The following TPMT variants were observed in gnomAD, a reference collection of about 807,000 sequenced individuals.
The protein encoded by TPMT is S-adenosyl-L-methionine:thiopurine S-methyltransferase.
Under a neutral mutation model 34.2 loss-of-function variants are expected in TPMT, and 18 were observed. The ratio of observed to expected loss-of-function variants is 0.53; its 90% CI spans 0.36 to 0.78. TPMT has a LOEUF of 0.78. Ranked by LOEUF, TPMT falls within the 30% of genes least tolerant of loss-of-function variation. The pLI, the probability that TPMT is intolerant of heterozygous loss-of-function variation, is 0.00. For synonymous variants in TPMT, 69 were observed against 92.4 expected (o/e 0.75, Z 1.45); for missense variants, 265 against 288.1 (o/e 0.92, Z 0.58).
rs1409017616 is a variant in TPMT at position 18,143,035 on chromosome 6, G to T, written c.366+561C>A. ...CTATGAGGCCTCATGGGTGATTTAA[G>T]TAGTATCTTCCCGAGGTGTCCAAGA... On this transcript the variant is annotated intron_variant, in intron 4 of 8. Coordinates refer to ENST00000309983, the MANE Select transcript of TPMT (RefSeq NM_000367.5). This position sits in a 1 kb window ranked among gnomAD's most constrained non-coding sequence, Gnocchi z 6.1. Among the ~76,000 whole-genome samples, 1 of 152,114 alleles carries T rather than the reference G, an allele frequency of 6.6e-6. No individual in the cohort carries two copies. The highest frequency in any genetic ancestry group is 1.5e-5 in the Non-Finnish European group (1 of 68,030).
rs1206386343 is a variant in TPMT at position 18,140,863 on chromosome 6, G to T, written c.367-1146C>A. The stretch of plus-strand genomic sequence containing the variant: ...TAGGATCCTGGGAGCTGGGGTGAAG[G>T]GCAGTGTAGGAAAGGTGTGTCAGCA... On this transcript the variant is annotated intron_variant, in intron 4 of 8. Transcript: ENST00000309983. This position sits in a 1 kb window ranked among gnomAD's most constrained non-coding sequence, Gnocchi z 4.7. 6.6e-6 allele frequency among the ~76,000 whole-genome samples: 1 copy of T among 152,122 alleles called. No homozygotes were observed. Among genetic ancestry groups the T allele is most frequent in the Non-Finnish European group, 1.5e-5 (1 of 68,030 alleles).
rs954883545 is a variant in TPMT at position 18,153,998 on chromosome 6, G to A, written c.-45+1035C>T. On this transcript the variant is annotated intron_variant, in intron 1 of 8. Coordinates refer to ENST00000309983, the MANE Select transcript of TPMT (RefSeq NM_000367.5). The surrounding 1 kb of genome is among the most constrained non-coding windows in gnomAD (Gnocchi z 4.2). ...AGTGCAGTGGTGTAATGACACTTCC[G>A]TCTCCAACACTGGGGCTCAAGCGAT... Among the ~76,000 whole-genome samples the A allele has an allele frequency of 6.6e-5, 10 of 152,162 alleles. No homozygotes were observed. Among genetic ancestry groups the A allele is most frequent in the South Asian group, 6.2e-4 (3 of 4,820 alleles).
intron 7 of TPMT, among the ~76,000 whole-genome samples, chr6:18,133,195 C>T (rs745346541): frequency 1.3e-5 from 2 of 152,098 alleles, no homozygotes; most frequent in Non-Finnish European, 1.5e-5. Context: ...GTGACTCTTA[C>T]AAATTAAAAG....
At position 18,147,837 on chromosome 6, in the gene TPMT, C is replaced by T. The variant is rs752462773; in HGVS notation, c.219G>A (p.Ala73=). 70 of 1,613,648 alleles carry T rather than the reference C, an allele frequency of 4.3e-5. No homozygotes were observed. In the Middle Eastern group the frequency reaches 5.0e-4, roughly 11 times the overall value. ...LRVFFPLCGK[A]VEMKWFADRG... Reference sequence around the variant, plus strand: ...TCTGCTCATACCATTTCATCTCAACCGCTTTTCCGCAAAGAGGAAAAAATA... The same window carrying T: ...TCTGCTCATACCATTTCATCTCAACTGCTTTTCCGCAAAGAGGAAAAAATA... Residue 73 remains alanine (A), a synonymous_variant, in exon 3 of 9, where the codon GCG becomes GCA. Transcript: ENST00000309983.
Position 18,139,624 on chromosome 6 carries a change from C to T in TPMT, c.419+41G>A, listed in dbSNP as rs754187426. 2.6e-6 allele frequency: 4 copies of T among 1,540,870 alleles called. No individual in the cohort carries two copies. The highest frequency in any genetic ancestry group is 3.6e-6 in the Non-Finnish European group (4 of 1,113,942). On this transcript the variant is annotated intron_variant, in intron 5 of 8. Transcript: ENST00000309983. The surrounding 1 kb of genome is among the most constrained non-coding windows in gnomAD (Gnocchi z 4.2). ...TCCCATGCCTGCACTGCCTGGCAAG[C>T]ATTCAAATTTTTTAAAGTGCAGATG... is the stretch of plus-strand genomic sequence containing the variant.
rs1354851110 is a variant in TPMT at position 18,139,006 on chromosome 6, C to A, written c.451G>T (p.Asp151Tyr). ...TTGATGGCAACTAATGCTCCTCTATCCCAAATCATGTCAAATTTGCCAATA... is the reference window on the plus strand; with the variant it reads ...TTGATGGCAACTAATGCTCCTCTATACCAAATCATGTCAAATTTGCCAATA... ...TNIGKFDMIW[D>Y]RGALVAINPG... Residue 151 changes from aspartate to tyrosine, a missense_variant, in exon 6 of 9, where the codon GAT becomes TAT. Asp to Tyr is a radical substitution (Grantham distance 160, BLOSUM62 -3). Coordinates refer to ENST00000309983, the MANE Select transcript of TPMT (RefSeq NM_000367.5). This position sits in a 1 kb window ranked among gnomAD's most constrained non-coding sequence, Gnocchi z 4.2. 1.2e-6 allele frequency: 2 copies of A among 1,613,598 alleles called. No individual in the cohort carries two copies. Among genetic ancestry groups the A allele is most frequent in the Admixed American group, 3.3e-5 (2 of 60,000 alleles).
rs1784025754 is a variant in TPMT at position 18,135,427 on chromosome 6, C to A, written c.495-1538G>T. Among the ~76,000 whole-genome samples the A allele has an allele frequency of 6.6e-6, 1 of 152,150 alleles. No homozygotes were observed. The highest frequency in any genetic ancestry group is 2.4e-5 in the African/African-American group (1 of 41,430). On this transcript the variant is annotated intron_variant, in intron 6 of 8. Coordinates refer to ENST00000309983, the MANE Select transcript of TPMT (RefSeq NM_000367.5). The surrounding 1 kb of genome is among the most constrained non-coding windows in gnomAD (Gnocchi z 5.0). ...TTAGGCAAGAACTCGAGAGTCACAG[C>A]AGAAAATACATCAGTACTTGACAAT... is the stretch of plus-strand genomic sequence containing the variant.
Position 18,140,957 on chromosome 6 carries a change from C to G in TPMT, c.367-1240G>C, listed in dbSNP as rs1582042456. Among the ~76,000 whole-genome samples, 1 of 152,196 alleles carries G rather than the reference C, an allele frequency of 6.6e-6. No homozygotes were observed. Among genetic ancestry groups the G allele is most frequent in the East Asian group, 1.9e-4 (1 of 5,146 alleles). ...GGTTTACAAGTAGAGGAGGAAGGGT[C>G]TTTGACAACCAGCCTGGGATCACTG... On this transcript the variant is annotated intron_variant, in intron 4 of 8. Coordinates refer to ENST00000309983, the MANE Select transcript of TPMT (RefSeq NM_000367.5). The surrounding 1 kb of genome is among the most constrained non-coding windows in gnomAD (Gnocchi z 4.7).
chr6:18,153,943 G>C lies in TPMT; in HGVS notation c.-45+1090C>G, dbSNP rs1296706796. On this transcript the variant is annotated intron_variant, in intron 1 of 8. Transcript: ENST00000309983. The surrounding 1 kb of genome is among the most constrained non-coding windows in gnomAD (Gnocchi z 4.2). ...TCATGTCTTAGTTGTTTGTTTTTGA[G>C]ACAGGGTCTCTCTCTATCCCCCAGG... Among the ~76,000 whole-genome samples, 2 of 152,120 alleles carry C rather than the reference G, an allele frequency of 1.3e-5. No individual in the cohort carries two copies. Among genetic ancestry groups the C allele is most frequent in the Non-Finnish European group, 2.9e-5 (2 of 68,026 alleles).
chr6:18,130,357 AT>A lies in TPMT; in HGVS notation c.*310del, dbSNP rs1489311903. The A allele has an allele frequency of 3.9e-6, 1 of 256,328 alleles. No individual in the cohort carries two copies. Among genetic ancestry groups the A allele is most frequent in the Non-Finnish European group, 7.6e-6 (1 of 131,974 alleles). 15.9% of individuals were successfully genotyped at this position (256,328 alleles called of 1,614,324 possible). On this transcript the variant is annotated 3_prime_UTR_variant, in exon 9 of 9. Coordinates refer to ENST00000309983, the MANE Select transcript of TPMT (RefSeq NM_000367.5). This position sits in a 1 kb window ranked among gnomAD's most constrained non-coding sequence, Gnocchi z 4.2. ...TTTAATATGCATTGCATTTTGAAAT[AT>A]TTTTTTAATTGTACAGGTAACACAT...
rs764782486 is a variant in TPMT, at chr6:18,130,651, T to C, written c.*17A>G. The C allele has an allele frequency of 3.3e-6, 5 of 1,502,846 alleles. No homozygotes were observed. In the South Asian group the frequency reaches 5.7e-5, roughly 17 times the overall value. 93.1% of individuals were successfully genotyped at this position (1,502,846 alleles called of 1,614,324 possible). ...TCAAAAACATGTCAGTGTGATTTTATTTTATCTATGTCTCATTTACTTTTC... is the reference window on the plus strand; with the variant it reads ...TCAAAAACATGTCAGTGTGATTTTACTTTATCTATGTCTCATTTACTTTTC... On this transcript the variant is annotated 3_prime_UTR_variant, in exon 9 of 9. Coordinates refer to ENST00000309983, the MANE Select transcript of TPMT (RefSeq NM_000367.5). The surrounding 1 kb of genome is among the most constrained non-coding windows in gnomAD (Gnocchi z 4.2).
At position 18,154,200 on chromosome 6, in the gene TPMT, A is replaced by G. The variant is rs754961138; in HGVS notation, c.-45+833T>C. On this transcript the variant is annotated intron_variant, in intron 1 of 8. Coordinates refer to ENST00000309983, the MANE Select transcript of TPMT (RefSeq NM_000367.5). The surrounding 1 kb of genome is among the most constrained non-coding windows in gnomAD (Gnocchi z 4.2). ...TTCTCAGCATGGACTCCACTTGTAT[A>G]CATCATTTCTAGAGAAATAAAGTTT... 1.9e-4 allele frequency among the ~76,000 whole-genome samples: 29 copies of G among 152,202 alleles called. No individual in the cohort carries two copies. The highest frequency in any genetic ancestry group is 6.2e-4 in the South Asian group (3 of 4,834).
chr6:18,138,902 A>G lies in TPMT; in HGVS notation c.494+61T>C. 7.2e-7 allele frequency: 1 copy of G among 1,397,384 alleles called. No homozygotes were observed. The highest frequency in any genetic ancestry group is 1.0e-6 in the Non-Finnish European group (1 of 994,816). 86.6% of individuals were successfully genotyped at this position (1,397,384 alleles called of 1,614,324 possible). A position where few individuals can be genotyped will look rare whatever the true frequency, so the allele number is the denominator to read the frequency against. ...AGTCTAAGCTGATTTTCTAGAACCC[A>G]GAAAAAGTATAGTATACTAAAAAAT... On this transcript the variant is annotated intron_variant, in intron 6 of 8. Coordinates refer to ENST00000309983, the MANE Select transcript of TPMT (RefSeq NM_000367.5). The surrounding 1 kb of genome is among the most constrained non-coding windows in gnomAD (Gnocchi z 4.1).
chr6:18,152,941 T>C (rs1296898409), intron 1 of TPMT, among the ~76,000 whole-genome samples: 1 of 152,108 alleles, frequency 6.6e-6, no homozygotes, highest in Non-Finnish European at 1.5e-5. Context: ...CAGTAAGGGT[T>C]TTTCTGTCCT....
rs1446729065 is a variant in TPMT at position 18,140,981 on chromosome 6, TG to T, written c.367-1265del. 2.0e-5 allele frequency among the ~76,000 whole-genome samples: 3 copies of T among 152,270 alleles called. No individual in the cohort carries two copies. The East Asian group carries it at 5.8e-4, about 29-fold the overall frequency. The stretch of plus-strand genomic sequence containing the variant: ...TCTTTGACAACCAGCCTGGGATCAC[TG>T]GGTCAGCCCAGAGATGGGTGGGCCT... On this transcript the variant is annotated intron_variant, in intron 4 of 8. Transcript: ENST00000309983. This position sits in a 1 kb window ranked among gnomAD's most constrained non-coding sequence, Gnocchi z 4.7.
intron 6 of TPMT, 95 bp from the exon 7 acceptor site, chr6:18,133,984 G>A (rs889080272): frequency 4.4e-6 from 4 of 911,674 alleles, no homozygotes; most frequent in South Asian, 1.4e-5. Context: ...AGTTACTTTC[G>A]CTGATACTAC....
At chr6:18,152,968 T>C (rs1395977737) in intron 1 of TPMT, among the ~76,000 whole-genome samples, 1 of 152,188 alleles carries the variant, frequency 6.6e-6, no homozygotes, top group East Asian at 1.9e-4. Flanking sequence ...CACCTTTTGA[T>C]ATAAGAGGGC....
In TPMT at chr6:18,139,571, A is replaced by T. The variant is rs12201199; in HGVS notation, c.419+94T>A. On this transcript the variant is annotated intron_variant, in intron 5 of 8. Coordinates refer to ENST00000309983, the MANE Select transcript of TPMT (RefSeq NM_000367.5). The surrounding 1 kb of genome is among the most constrained non-coding windows in gnomAD (Gnocchi z 4.2). ...AAATGCTTTGTGGATGTTACACAGG[A>T]GGAAGAGAGTGAGGAAGACACCTCC... 81,244 of 987,832 alleles carry T rather than the reference A, an allele frequency of 0.082. 7,519 individuals are homozygous for T. The highest frequency in any genetic ancestry group is 0.42 in the African/African-American group (26,176 of 61,944). The allele number at this position is 987,832 out of a possible 1,614,324, so 61.2% of individuals were successfully genotyped here. A position where few individuals can be genotyped will look rare whatever the true frequency, so the allele number is the denominator to read the frequency against.
rs1450697554 is a variant in TPMT at position 18,143,454 on chromosome 6, T to G, written c.366+142A>C. 1 of 1,114,014 alleles carries G rather than the reference T, an allele frequency of 9.0e-7. No individual in the cohort carries two copies. The highest frequency in any genetic ancestry group is 1.6e-5 in the African/African-American group (1 of 63,732). The allele number at this position is 1,114,014 out of a possible 1,614,324, so 69.0% of individuals were successfully genotyped here. A position where few individuals can be genotyped will look rare whatever the true frequency, so the allele number is the denominator to read the frequency against. On this transcript the variant is annotated intron_variant, in intron 4 of 8. Transcript: ENST00000309983. This position sits in a 1 kb window ranked among gnomAD's most constrained non-coding sequence, Gnocchi z 6.1. ...TCACCTATATTTTTAAGCCCTTGCT[T>G]CTTATACTATATAGTATCTACAGTG...
Sources: allele counts gnomAD v4.1 joint callset (sites outside exome capture counted in the v4.1 genomes callset), GRCh38; gene constraint gnomAD v4.1.1; non-coding constraint Gnocchi (gnomAD v3.1); transcripts MANE v1.5; gene names NCBI Gene and HGNC (gene_info 2026-07-23, HGNC 2026-07-21).